SGK2: variants seen among roughly 807,000 people sequenced by gnomAD.
SGK2 encodes the protein serum/glucocorticoid regulated kinase 2.
Under a neutral mutation model 47.5 loss-of-function variants are expected in SGK2, and 36 were observed. That is an observed-to-expected ratio of 0.76 (90% CI 0.58 to 1.00). The LOEUF (loss-of-function observed/expected upper bound fraction) is 1.00, where lower values mean the gene tolerates loss of function less well. Ranked by LOEUF, SGK2 falls within the 50% of genes least tolerant of loss-of-function variation. The probability of loss-of-function intolerance (pLI) is 0.00; values close to 1 mark genes in which losing one functional copy is unlikely to be tolerated. For missense variants in SGK2, 404 were observed against 467.4 expected (o/e 0.86, Z 1.25); for synonymous variants, 157 against 181.9 (o/e 0.86, Z 1.10).
At chr20:43,579,698 C>T (rs189773826) in intron 11 of SGK2, among the ~76,000 whole-genome samples, 7 of 152,272 alleles carry the variant, frequency 4.6e-5, no homozygotes, top group African/African-American at 1.7e-4. Flanking sequence ...CTGACACCCC[C>T]AAAGCCTAGC....
chr20:43,565,154 T>C (rs1979617602), intron 1 of SGK2: 1 of 152,328 alleles, frequency 6.6e-6, no homozygotes, highest in Non-Finnish European at 1.5e-5. Context: ...GTGAGCTCTG[T>C]GCTGGGGCCA....
At chr20:43,562,746 T>A (rs1378109467) in intron 1 of SGK2, among the ~76,000 whole-genome samples, 2 of 151,512 alleles carry the variant, frequency 1.3e-5, no homozygotes, top group Non-Finnish European at 2.9e-5. Context: ...TCTTAAAAAA[T>A]AAATAAATAA....
At position 43,574,810 on chromosome 20, in the gene SGK2, G is replaced by T. The variant is rs1199774876; in HGVS notation, c.598-99G>T. On this transcript the variant is annotated intron_variant, in intron 9 of 12. Transcript: ENST00000373100. ...ACAGCCACAGAGCACACGTACAGCA[G>T]GGTCAGCTCTTGGTCATCTTCCTCC... 1.2e-5 allele frequency: 9 copies of T among 765,444 alleles called. No individual in the cohort carries two copies. The African/African-American group carries it at 1.5e-4, about 13-fold the overall frequency. 47.4% of individuals were successfully genotyped at this position (765,444 alleles called of 1,614,324 possible).
intron 11 of SGK2, among the ~76,000 whole-genome samples, chr20:43,577,851 G>A (rs1319561470): frequency 7.3e-5 from 11 of 151,528 alleles, no homozygotes; most frequent in African/African-American, 2.2e-4. Context: ...CACTATGTTG[G>A]ACAGGCTGGT....
rs770288580 is a variant in SGK2 at position 43,566,417 on chromosome 20, C to T, written c.-23-56C>T. On this transcript the variant is annotated intron_variant, in intron 1 of 12. Transcript: ENST00000373100. ...AGTGGTGCCTGAAGCCCTGGATGGGCGGAGCTGACCCCCCAACACCAACTC... is the reference window on the plus strand; with the variant it reads ...AGTGGTGCCTGAAGCCCTGGATGGGTGGAGCTGACCCCCCAACACCAACTC... 2.8e-5 allele frequency: 45 copies of T among 1,613,918 alleles called. No homozygotes were observed. In the Admixed American group the frequency reaches 3.5e-4, roughly 13 times the overall value.
chr20:43,572,119 A>C lies in SGK2; in HGVS notation c.579A>C (p.Thr193=), dbSNP rs1171018747. 6.5e-7 allele frequency: 1 copy of C among 1,549,128 alleles called. No homozygotes were observed. The highest frequency in any genetic ancestry group is 2.0e-5 in the Admixed American group (1 of 50,990). The change falls in exon 9 of 13, where the codon ACA becomes ACC. Residue 193 remains threonine, a synonymous_variant. Transcript: ENST00000373100. This position sits in a 1 kb window ranked among gnomAD's most constrained non-coding sequence, Gnocchi z 4.2. ...EGVEPEDTTS[T]FCGTPEYLAP... is the part of the protein sequence containing the mutation. ...TAGAGCCTGAAGACACCACATCCACATTCTGTGGTACCCCTGAGGTAAGCG... is the reference window on the plus strand; with the variant it reads ...TAGAGCCTGAAGACACCACATCCACCTTCTGTGGTACCCCTGAGGTAAGCG...
chr20:43,570,174 A>G (rs1389359259), intron 6 of SGK2, among the ~76,000 whole-genome samples: 3 of 152,202 alleles, frequency 2.0e-5, no homozygotes, highest in African/African-American at 7.2e-5. Flanking sequence ...CAGCCGTATC[A>G]TCATATCGCC....
At chr20:43,567,614 A>C (rs1203459512) in intron 3 of SGK2, 51 bp from the exon 4 acceptor site, 2 of 1,555,898 alleles carry the variant, frequency 1.3e-6, no homozygotes, top group Non-Finnish European at 1.8e-6. Context: ...CTCAGGCACC[A>C]GGTTTCCAGA....
chr20:43,571,212 G>A, intron 8 of SGK2, 152 bp downstream of exon 8: 1 of 1,254,994 alleles, frequency 8.0e-7, no homozygotes, highest in Non-Finnish European at 1.1e-6. Flanking sequence ...ATGTGTGTGT[G>A]CCCATGCACA....
intron 11 of SGK2, among the ~76,000 whole-genome samples, chr20:43,576,631 T>C (rs931331060): frequency 1.3e-5 from 2 of 152,202 alleles, no homozygotes; most frequent in African/African-American, 4.8e-5. Context: ...ATAGGCTGGG[T>C]CTCTGCCCTT....
chr20:43,561,203 T>C lies in SGK2; in HGVS notation c.-24+2044T>C, dbSNP rs189780083. Among the ~76,000 whole-genome samples the C allele has an allele frequency of 3.3e-5, 5 of 151,978 alleles. No individual in the cohort carries two copies. In the East Asian group the frequency reaches 9.7e-4, roughly 29 times the overall value. On this transcript the variant is annotated intron_variant, in intron 1 of 12. Transcript: ENST00000373100. ...GCAGGTGCCTGGGGGAAGAGTGTTG[T>C]AGGCAGAGGGAAAACTAAGTGCAAG...
intron 1 of SGK2, among the ~76,000 whole-genome samples, chr20:43,560,050 C>T (rs916292050): frequency 6.6e-5 from 10 of 152,082 alleles, no homozygotes; most frequent in African/African-American, 2.4e-4. Flanking sequence ...GCCTTAGGAA[C>T]TGAGGGCTGC....
Position 43,567,679 on chromosome 20 carries a change from A to G in SGK2, c.101A>G (p.Asp34Gly). The G allele has an allele frequency of 1.9e-6, 3 of 1,614,106 alleles. No homozygotes were observed. The highest frequency in any genetic ancestry group is 2.5e-6 in the Non-Finnish European group (3 of 1,180,016). Residue 34 changes from aspartate to glycine, a missense_variant, in exon 4 of 13, where the codon GAC becomes GGC. Transcript: ENST00000373100. Reference sequence around the variant, plus strand: ...TCTTCCCCCAGTGCCCAGCCCACGGACTTCGACTTCCTCAAAGTCATCGGC... The same window carrying G: ...TCTTCCCCCAGTGCCCAGCCCACGGGCTTCGACTTCCTCAAAGTCATCGGC... ...PSANPNAQPT[D>G]FDFLKVIGKG...
intron 9 of SGK2, among the ~76,000 whole-genome samples, chr20:43,574,416 C>T (rs1160937433): frequency 2.0e-5 from 3 of 152,250 alleles, no homozygotes; most frequent in Non-Finnish European, 4.4e-5. Context: ...CTTACACTCA[C>T]ATTAGTCTCC....
chr20:43,566,680 A>T, intron 2 of SGK2, 149 bp downstream of exon 2: 1 of 615,132 alleles, frequency 1.6e-6, no homozygotes. Context: ...TAGAGTAGAG[A>T]TTTGAAATAG....
chr20:43,566,922 GGC>G (rs1979765962), intron 2 of SGK2, 144 bp from the exon 3 acceptor site: 2 of 626,860 alleles, frequency 3.2e-6, no homozygotes, highest in Non-Finnish European at 2.8e-6. Context: ...GAGGGAGGCG[GGC>G]AGGCGGGCAG....
At chr20:43,579,733 G>A (rs1382581017) in intron 11 of SGK2, among the ~76,000 whole-genome samples, 1 of 152,150 alleles carries the variant, frequency 6.6e-6, no homozygotes, top group Non-Finnish European at 1.5e-5. Flanking sequence ...CAGAGAAGAT[G>A]CTCAGTAAAT....
At chr20:43,581,619 C>T (rs569510941) in intron 12 of SGK2, among the ~76,000 whole-genome samples, 2 of 152,268 alleles carry the variant, frequency 1.3e-5, no homozygotes, top group South Asian at 4.1e-4. Flanking sequence ...GTGGCACGAT[C>T]TCAGGTTCAA....
chr20:43,583,466 T>TG, intron 12 of SGK2: 1 of 1,179,738 alleles, frequency 8.5e-7, no homozygotes, highest in Non-Finnish European at 1.1e-6. Flanking sequence ...AGTGCTGGGC[T>TG]GGGACTACCT....
Sources: allele counts gnomAD v4.1 joint callset (sites outside exome capture counted in the v4.1 genomes callset), GRCh38; gene constraint gnomAD v4.1.1; non-coding constraint Gnocchi (gnomAD v3.1); transcripts MANE v1.5; gene names NCBI Gene and HGNC (gene_info 2026-07-23, HGNC 2026-07-21).